LRRC37A2: variants seen among roughly 807,000 people sequenced by gnomAD.
The protein encoded by LRRC37A2 is leucine rich repeat containing 37 member A2.
LRRC37A2 carries 9 observed loss-of-function variants against 68.8 expected under a neutral mutation model. The observed-to-expected ratio is 0.13, with a 90% CI of 0.08 to 0.23. The LOEUF (loss-of-function observed/expected upper bound fraction) is 0.23, where lower values mean the gene tolerates loss of function less well. Ranked by LOEUF, LRRC37A2 falls within the 10% of genes least tolerant of loss-of-function variation. LRRC37A2 has a pLI of 1.00. For synonymous variants in LRRC37A2, 63 were observed against 367.6 expected (o/e 0.17, Z 9.48); for missense variants, 168 against 950.4 (o/e 0.18, Z 10.82).
chr17:46,944,724 G>A, the LRRC37A2 span, among the ~76,000 whole-genome samples: 26 of 151,694 alleles, frequency 1.7e-4, no homozygotes, highest in East Asian at 7.7e-4. Flanking sequence ...TTCAGCCTCC[G>A]GAGTGGCTAG....
At chr17:46,996,955 TGATGA>T in the LRRC37A2 span, among the ~76,000 whole-genome samples, 2 of 152,188 alleles carry the variant, frequency 1.3e-5, no homozygotes, top group African/African-American at 2.4e-5. Flanking sequence ...CTCCCAGAAT[TGATGA>T]GATAAGACTC....
chr17:46,940,011 C>T, the LRRC37A2 span: 2 of 1,009,850 alleles, frequency 2.0e-6, no homozygotes, highest in Non-Finnish European at 2.4e-6. Context: ...GAAACCGGCT[C>T]AGTATTAACC....
At chr17:46,558,512 G>A (rs1414537546), downstream of LRRC37A2, among the ~76,000 whole-genome samples, 24 of 116,484 alleles carry the variant, frequency 2.1e-4, 2 homozygotes, top group South Asian at 5.4e-3. Flanking sequence ...TCAGCCTCCC[G>A]AATAGCTGGG....
At chr17:47,048,048 T>C in the LRRC37A2 span, among the ~76,000 whole-genome samples, 1 of 8,560 alleles carries the variant, frequency 1.2e-4, no homozygotes, top group African/African-American at 2.1e-4. Flanking sequence ...TTTTCAAAAC[T>C]TTTTTTTTTT....
chr17:47,005,515 T>C, the LRRC37A2 span: 1 of 152,206 alleles, frequency 6.6e-6, no homozygotes, highest in African/African-American at 2.4e-5. Flanking sequence ...GCCTGATACA[T>C]GGCAGATGCT....
the LRRC37A2 span, among the ~76,000 whole-genome samples, chr17:46,828,843 T>C: frequency 6.7e-6 from 1 of 150,036 alleles, no homozygotes; most frequent in Non-Finnish European, 1.5e-5. Flanking sequence ...GTGCCTGTAG[T>C]CCCAGCTACT....
chr17:46,864,954 T>C, the LRRC37A2 span, among the ~76,000 whole-genome samples: 8 of 152,274 alleles, frequency 5.3e-5, no homozygotes, highest in South Asian at 1.7e-3. Context: ...CTCTAACGTA[T>C]AATGGTTTGA....
the LRRC37A2 span, chr17:46,851,589 G>A: frequency 9.1e-7 from 1 of 1,093,566 alleles, no homozygotes; most frequent in Non-Finnish European, 1.2e-6. The surrounding 1 kb of genome is among the most constrained non-coding windows in gnomAD (Gnocchi z 4.3). Flanking sequence ...GCGGAGCTGC[G>A]AGCTTGAGCG....
the LRRC37A2 span, among the ~76,000 whole-genome samples, chr17:46,711,310 T>C: frequency 6.6e-6 from 1 of 152,210 alleles, no homozygotes; most frequent in African/African-American, 2.4e-5. Flanking sequence ...AGAATGTTAG[T>C]GAGGAAAGAT....
the LRRC37A2 span, among the ~76,000 whole-genome samples, chr17:46,819,364 C>T: frequency 6.6e-6 from 1 of 152,150 alleles, no homozygotes; most frequent in Non-Finnish European, 1.5e-5. This position sits in a 1 kb window ranked among gnomAD's most constrained non-coding sequence, Gnocchi z 5.3. Context: ...AGTCTTTTGT[C>T]AGGGATCAGA....
chr17:46,904,488 GGA>G, the LRRC37A2 span, among the ~76,000 whole-genome samples: 1 of 149,460 alleles, frequency 6.7e-6, no homozygotes, highest in Non-Finnish European at 1.5e-5. Flanking sequence ...ATGGATGGAT[GGA>G]TGGGTGGATG....
the LRRC37A2 span, among the ~76,000 whole-genome samples, chr17:46,757,995 GA>G: frequency 7.1e-6 from 1 of 140,426 alleles, no homozygotes; most frequent in Non-Finnish European, 1.6e-5. Flanking sequence ...CTTTGTCTCA[GA>G]AAAAGAAAAA....
At chr17:47,009,690 C>G in the LRRC37A2 span, among the ~76,000 whole-genome samples, 1 of 152,218 alleles carries the variant, frequency 6.6e-6, no homozygotes, top group African/African-American at 2.4e-5. Flanking sequence ...AGGAGCTCAG[C>G]CTCCGCCCCC....
chr17:46,884,455 T>C, the LRRC37A2 span, among the ~76,000 whole-genome samples: 1 of 151,802 alleles, frequency 6.6e-6, no homozygotes, highest in Non-Finnish European at 1.5e-5. Flanking sequence ...GCTCTGCTTC[T>C]CATGTTTCCC....
the LRRC37A2 span, among the ~76,000 whole-genome samples, chr17:46,999,473 C>T: frequency 6.6e-6 from 1 of 152,130 alleles, no homozygotes; most frequent in Non-Finnish European, 1.5e-5. Flanking sequence ...CTAAACCTCC[C>T]GAGTAGCTGG....
At chr17:47,027,711 T>C in the LRRC37A2 span, 1,958 of 720,564 alleles carry the variant, frequency 2.7e-3, 9 homozygotes, top group Non-Finnish European at 3.9e-3. Context: ...TGAAATATAA[T>C]TAAAATTTTA....
the LRRC37A2 span, chr17:46,938,845 G>A: frequency 1.3e-4 from 207 of 1,600,694 alleles, no homozygotes; most frequent in Non-Finnish European, 1.6e-4. Flanking sequence ...CCCAGAGGCC[G>A]CCTTTTGAAA....
chr17:46,379,858 G>T, the LRRC37A2 span, among the ~76,000 whole-genome samples: 1 of 64,980 alleles, frequency 1.5e-5, no homozygotes, highest in African/African-American at 5.0e-5. Context: ...TGTTGTTGTT[G>T]CAATACTGTT....
chr17:46,922,910 A>T, the LRRC37A2 span: 1 of 551,576 alleles, frequency 1.8e-6, no homozygotes, highest in Non-Finnish European at 3.2e-6. Context: ...GTCCTTCCTA[A>T]CGCCTGACTG....
Sources: allele counts gnomAD v4.1 joint callset (sites outside exome capture counted in the v4.1 genomes callset), GRCh38; gene constraint gnomAD v4.1.1; non-coding constraint Gnocchi (gnomAD v3.1); transcripts MANE v1.5; gene names NCBI Gene and HGNC (gene_info 2026-07-23, HGNC 2026-07-21).